Variants in MMP16 observed in about 807,000 individuals in gnomAD.
MMP16 encodes the protein matrix metalloproteinase-16.
A neutral mutation model predicts 67.8 loss-of-function variants in MMP16; 12 were observed. The observed-to-expected ratio is 0.18, with a 90% CI of 0.11 to 0.29. The LOEUF (loss-of-function observed/expected upper bound fraction) is 0.29, where lower values mean the gene tolerates loss of function less well. MMP16 is among the 10% of genes least tolerant of loss of function. The pLI, the probability that MMP16 is intolerant of heterozygous loss-of-function variation, is 1.00. For synonymous variants in MMP16, 249 were observed against 255.9 expected, an observed-to-expected ratio of 0.97 and a Z score of 0.26; for missense variants, 475 against 765.7, an observed-to-expected ratio of 0.62 and a Z score of 4.48.
At chr8:88,304,242 A>G (rs1811177539) in intron 1 of MMP16, among the ~76,000 whole-genome samples, 1 of 152,176 alleles carries the variant, frequency 6.6e-6, no homozygotes, top group African/African-American at 2.4e-5. Flanking sequence ...AGACAAGAAG[A>G]GAGAAAAAAG....
chr8:88,297,328 A>C (rs1811028486), intron 1 of MMP16, among the ~76,000 whole-genome samples: 2 of 152,206 alleles, frequency 1.3e-5, no homozygotes, highest in African/African-American at 4.8e-5. Context: ...GCCCTGTAGA[A>C]GTGTTCTCCC....
intron 3 of MMP16, among the ~76,000 whole-genome samples, chr8:88,169,871 G>C (rs577138953): frequency 6.6e-6 from 1 of 152,250 alleles, no homozygotes; most frequent in Admixed American, 6.5e-5. Context: ...CTTTTGCTCT[G>C]AGAAATGAAA....
chr8:88,259,462 C>A (rs901060057), intron 1 of MMP16, among the ~76,000 whole-genome samples: 1 of 152,082 alleles, frequency 6.6e-6, no homozygotes, highest in African/African-American at 2.4e-5. Context: ...AATTGGGTGA[C>A]ATCTATCACA....
intron 1 of MMP16, among the ~76,000 whole-genome samples, chr8:88,245,902 T>C (rs1296919913): frequency 2.0e-5 from 3 of 152,222 alleles, no homozygotes; most frequent in Non-Finnish European, 4.4e-5. Context: ...TCTAGGGCTT[T>C]ATTAAATCAA....
chr8:88,085,239 T>C (rs186026681), intron 6 of MMP16, among the ~76,000 whole-genome samples: 2 of 152,172 alleles, frequency 1.3e-5, no homozygotes, highest in Admixed American at 1.3e-4. Flanking sequence ...AAGTCATAAC[T>C]TGAAGAAGAA....
At chr8:88,305,672 T>G (rs1811200667) in intron 1 of MMP16, among the ~76,000 whole-genome samples, 2 of 152,216 alleles carry the variant, frequency 1.3e-5, no homozygotes, top group Admixed American at 1.3e-4. Flanking sequence ...TTGAATAACC[T>G]GCTCCTGAAT....
chr8:88,186,169 G>A (rs923866286), intron 3 of MMP16, among the ~76,000 whole-genome samples: 1 of 151,968 alleles, frequency 6.6e-6, no homozygotes, highest in Non-Finnish European at 1.5e-5. Context: ...GATTATTTTA[G>A]AGATTATAAA....
At position 88,040,127 on chromosome 8, in the gene MMP16, C is replaced by T. The variant is rs1013635200; in HGVS notation, c.*1334G>A. 2 of 152,466 alleles carry T rather than the reference C, an allele frequency of 1.3e-5. No individual in the cohort carries two copies. The highest frequency in any genetic ancestry group is 2.4e-5 in the African/African-American group (1 of 41,382). 9.4% of individuals were successfully genotyped at this position (152,466 alleles called of 1,614,324 possible). ...TGCAATGGATTTTAAAACAGAAATT[C>T]AGTATGCCTAAAAAAAAGAAAAGAA... On this transcript the variant is annotated 3_prime_UTR_variant, in exon 10 of 10. Coordinates refer to ENST00000286614, the MANE Select transcript of MMP16 (RefSeq NM_005941.5).
At chr8:88,170,538 T>A (rs1470853441) in intron 3 of MMP16, among the ~76,000 whole-genome samples, 1 of 152,188 alleles carries the variant, frequency 6.6e-6, no homozygotes, top group Non-Finnish European at 1.5e-5. Flanking sequence ...GACACATCAT[T>A]GAAAGAACTT....
At position 88,162,323 on chromosome 8, in the gene MMP16, GA is replaced by G. The variant is rs530553983; in HGVS notation, c.709+5345del. Among the ~76,000 whole-genome samples, 563 of 151,774 alleles carry G rather than the reference GA, an allele frequency of 3.7e-3. 6 individuals carry two copies. Among genetic ancestry groups the G allele is most frequent in the African/African-American group, 0.013 (543 of 41,468 alleles). On this transcript the variant is annotated intron_variant, in intron 4 of 9. Coordinates refer to ENST00000286614, the MANE Select transcript of MMP16 (RefSeq NM_005941.5). ...CTCAGTAAAATGAAGCTCATTCCAG[GA>G]AAAAAGGAAAAAAGTCATGTTTTTA...
chr8:88,168,998 T>C (rs1377840846), intron 3 of MMP16, among the ~76,000 whole-genome samples: 2 of 152,034 alleles, frequency 1.3e-5, no homozygotes, highest in Non-Finnish European at 2.9e-5. Flanking sequence ...GTAATAACCA[T>C]GCCCAGCTGA....
Position 88,032,511 on chromosome 8 carries a change from T to G in MMP16, c.*8950A>C, listed in dbSNP as rs1308932793. The G allele has an allele frequency of 6.6e-6, 1 of 152,148 alleles. No individual in the cohort carries two copies. The highest frequency in any genetic ancestry group is 2.4e-5 in the African/African-American group (1 of 41,440). 9.4% of individuals were successfully genotyped at this position (152,148 alleles called of 1,614,324 possible). On this transcript the variant is annotated 3_prime_UTR_variant, in exon 10 of 10. Coordinates refer to ENST00000286614, the MANE Select transcript of MMP16 (RefSeq NM_005941.5). ...TTAACAATGTGCTATGAGGCCTTGATTTACTAATAAAAGACAACTTGTGAA... is the reference window on the plus strand; with the variant it reads ...TTAACAATGTGCTATGAGGCCTTGAGTTACTAATAAAAGACAACTTGTGAA...
Position 88,250,236 on chromosome 8 carries a change from A to G in MMP16, c.133-52930T>C, listed in dbSNP as rs552352365. Among the ~76,000 whole-genome samples the G allele has an allele frequency of 2.6e-5, 4 of 152,178 alleles. No homozygotes were observed. In the East Asian group the frequency reaches 7.8e-4, roughly 30 times the overall value. ...GCATGATCCAGCCACCAGAAATCATAAACACTTAATAGCTCCCTAAACAGA... is the reference window on the plus strand; with the variant it reads ...GCATGATCCAGCCACCAGAAATCATGAACACTTAATAGCTCCCTAAACAGA... On this transcript the variant is annotated intron_variant, in intron 1 of 9. Coordinates refer to ENST00000286614, the MANE Select transcript of MMP16 (RefSeq NM_005941.5).
intron 4 of MMP16, among the ~76,000 whole-genome samples, chr8:88,167,385 C>A (rs1485328442): frequency 6.6e-6 from 1 of 151,998 alleles, no homozygotes; most frequent in Non-Finnish European, 1.5e-5. Context: ...ATTATAAAAT[C>A]TTTTAAGGAA....
intron 1 of MMP16, among the ~76,000 whole-genome samples, chr8:88,299,238 C>T (rs559439805): frequency 2.0e-5 from 3 of 152,208 alleles, no homozygotes; most frequent in South Asian, 4.2e-4. Context: ...AACCCTTCTG[C>T]TCAGAAAGTG....
At chr8:88,077,921 T>G (rs1808677675) in intron 6 of MMP16, among the ~76,000 whole-genome samples, 1 of 152,164 alleles carries the variant, frequency 6.6e-6, no homozygotes, top group Non-Finnish European at 1.5e-5. Flanking sequence ...ACATTTGGTT[T>G]CACCCTTCTA....
chr8:88,161,988 T>G (rs758053705), intron 4 of MMP16, among the ~76,000 whole-genome samples: 1 of 152,110 alleles, frequency 6.6e-6, no homozygotes, highest in Non-Finnish European at 1.5e-5. Context: ...TATAGTCAAT[T>G]TTGGAATAAG....
At chr8:88,269,257 A>G (rs1350512783) in intron 1 of MMP16, among the ~76,000 whole-genome samples, 12 of 152,200 alleles carry the variant, frequency 7.9e-5, no homozygotes, top group Admixed American at 7.2e-4. Context: ...TATCTAAGGC[A>G]TGTAAACCGG....
Position 88,154,071 on chromosome 8 carries a change from C to T in MMP16, c.709+13598G>A, listed in dbSNP as rs1431242106. Among the ~76,000 whole-genome samples the T allele has an allele frequency of 9.5e-4, 138 of 144,882 alleles. 4 individuals carry two copies. The East Asian group carries it at 0.026, about 27-fold the overall frequency. On this transcript the variant is annotated intron_variant, in intron 4 of 9. Coordinates refer to ENST00000286614, the MANE Select transcript of MMP16 (RefSeq NM_005941.5). ...AGTGGGCAAAGGACATGAACAGACA[C>T]TTCTCAAAAGAAGACATTTATGCAG...
Sources: allele counts gnomAD v4.1 joint callset (sites outside exome capture counted in the v4.1 genomes callset), GRCh38; gene constraint gnomAD v4.1.1; transcripts MANE v1.5; gene names NCBI Gene and HGNC (gene_info 2026-07-23, HGNC 2026-07-21).